TTLL5: variants seen among roughly 807,000 people sequenced by gnomAD.
The protein encoded by TTLL5 is tubulin polyglutamylase TTLL5.
TTLL5 carries 132 observed loss-of-function variants against 168.4 expected under a neutral mutation model. The observed-to-expected ratio is 0.78, with a 90% CI of 0.68 to 0.91. The LOEUF is 0.91. Ranked by LOEUF, TTLL5 falls within the 40% of genes least tolerant of loss-of-function variation. The pLI is 0.00. For synonymous variants in TTLL5, 546 were observed against 558.6 expected, an observed-to-expected ratio of 0.98 and a Z score of 0.32; for missense variants, 1,545 against 1,581.5, an observed-to-expected ratio of 0.98 and a Z score of 0.39.
intron 29 of TTLL5, among the ~76,000 whole-genome samples, chr14:75,875,314 C>A (rs1369586535): frequency 6.7e-6 from 1 of 149,364 alleles, no homozygotes; most frequent in Non-Finnish European, 1.5e-5. Flanking sequence ...GAGGCTGAGG[C>A]AGACAGATCA....
At chr14:75,727,128 G>A (rs1026198484) in intron 12 of TTLL5, among the ~76,000 whole-genome samples, 12 of 152,186 alleles carry the variant, frequency 7.9e-5, no homozygotes, top group Non-Finnish European at 1.5e-4. Flanking sequence ...GACTAAGGTG[G>A]TAAGAGGTGT....
rs1408329213 is a variant in TTLL5, at chr14:75,779,093, G to A, written c.2388-482G>A. On this transcript the variant is annotated intron_variant, in intron 23 of 31. Coordinates refer to ENST00000298832, the MANE Select transcript of TTLL5 (RefSeq NM_015072.5). ...TGGTGGTGGTGGTGGTTGTTGTCTTGTTATTGTTGTTTTGCATATTCTTTA... is the reference window on the plus strand; with the variant it reads ...TGGTGGTGGTGGTGGTTGTTGTCTTATTATTGTTGTTTTGCATATTCTTTA... Among the ~76,000 whole-genome samples the A allele has an allele frequency of 5.3e-5, 8 of 152,120 alleles. 1 individual carries two copies. The highest frequency in any genetic ancestry group is 5.2e-4 in the Admixed American group (8 of 15,270).
In TTLL5 at chr14:75,880,459, CCT is replaced by C. The variant is rs2031747553; in HGVS notation, c.3523-2223_3523-2222del. Among the ~76,000 whole-genome samples, 3 of 152,186 alleles carry C rather than the reference CCT, an allele frequency of 2.0e-5. No homozygotes were observed. In the South Asian group the frequency reaches 6.2e-4, roughly 32 times the overall value. On this transcript the variant is annotated intron_variant, in intron 29 of 31. Coordinates refer to ENST00000298832, the MANE Select transcript of TTLL5 (RefSeq NM_015072.5). ...CTTAACTAACAACATTTTATCCCCT[CCT>C]CTACTACTCACCCAGGGAATTTCTT...
chr14:75,922,240 T>C (rs1399433304), intron 31 of TTLL5, among the ~76,000 whole-genome samples: 1 of 151,934 alleles, frequency 6.6e-6, no homozygotes, highest in African/African-American at 2.4e-5. Context: ...TCTTGCCTGA[T>C]TGCCCTGGCC....
rs146356621 is a variant in TTLL5 at position 75,694,577 on chromosome 14, G to A, written c.502+4255G>A. Among the ~76,000 whole-genome samples, 636 of 152,178 alleles carry A rather than the reference G, an allele frequency of 4.2e-3. 4 individuals carry two copies. Among genetic ancestry groups the A allele is most frequent in the East Asian group, 0.011 (57 of 5,170 alleles). On this transcript the variant is annotated intron_variant, in intron 6 of 31. Transcript: ENST00000298832. ...TCGAACTCCTGACCTCAGGTGATCC[G>A]CCCACCTCGGCCTCCCAAATTGCTG...
intron 31 of TTLL5, chr14:75,906,533 G>T (rs2033154712): frequency 1.0e-6 from 1 of 985,788 alleles, no homozygotes; most frequent in Non-Finnish European, 1.2e-6. Flanking sequence ...GTTAAGTAGA[G>T]ATACTTTTTT....
chr14:75,662,268 T>C (rs896363535), intron 1 of TTLL5, among the ~76,000 whole-genome samples: 34 of 152,054 alleles, frequency 2.2e-4, no homozygotes, highest in African/African-American at 8.2e-4. Flanking sequence ...GGAAACATGA[T>C]GGCATCTTGT....
rs1004233911 is a variant in TTLL5 at position 75,906,686 on chromosome 14, A to G, written c.3823+4462A>G. 5.1e-6 allele frequency: 5 copies of G among 985,738 alleles called. No individual in the cohort carries two copies. In the African/African-American group the frequency reaches 8.7e-5, roughly 17 times the overall value. 61.1% of individuals were successfully genotyped at this position (985,738 alleles called of 1,614,324 possible). A position where few individuals can be genotyped will look rare whatever the true frequency, so the allele number is the denominator to read the frequency against. Reference sequence around the variant, plus strand: ...GTCAGGGCCAATTTAAGGTAACGGTAAGAATAAGAGCATATTTTTATCATT... The same window carrying G: ...GTCAGGGCCAATTTAAGGTAACGGTGAGAATAAGAGCATATTTTTATCATT... On this transcript the variant is annotated intron_variant, in intron 31 of 31. Coordinates refer to ENST00000298832, the MANE Select transcript of TTLL5 (RefSeq NM_015072.5).
chr14:75,811,156 A>AGT (rs148883248), intron 27 of TTLL5, among the ~76,000 whole-genome samples: 17 of 116,528 alleles, frequency 1.5e-4, no homozygotes, highest in African/African-American at 4.1e-4. Flanking sequence ...TGAAAGAAAG[A>AGT]GTGTGTGTGT....
intron 17 of TTLL5, among the ~76,000 whole-genome samples, chr14:75,749,990 A>G (rs1055655801): frequency 2.0e-5 from 3 of 152,100 alleles, no homozygotes; most frequent in African/African-American, 7.2e-5. Context: ...TCATATTTGT[A>G]TAGCTTTTTG....
intron 2 of TTLL5, among the ~76,000 whole-genome samples, chr14:75,663,596 C>T (rs940204866): frequency 6.6e-6 from 1 of 152,090 alleles, no homozygotes; most frequent in African/African-American, 2.4e-5. Context: ...ACATTAGTTA[C>T]GTTTGCTAAT....
chr14:75,780,168 ATTC>A (rs1891963406), intron 24 of TTLL5, among the ~76,000 whole-genome samples: 1 of 152,186 alleles, frequency 6.6e-6, no homozygotes, highest in Non-Finnish European at 1.5e-5. Flanking sequence ...CTCTTAATAT[ATTC>A]TTCTGTCTCT....
chr14:75,759,660 T>G (rs2359869), intron 18 of TTLL5, among the ~76,000 whole-genome samples: 115,886 of 152,014 alleles, frequency 0.76, 44,492 homozygotes, highest in Admixed American at 0.81. Flanking sequence ...TAATCTGCCA[T>G]TATAAAAAGG....
chr14:75,767,683 T>C (rs1430047430), intron 20 of TTLL5, among the ~76,000 whole-genome samples: 2 of 152,204 alleles, frequency 1.3e-5, no homozygotes, highest in Admixed American at 1.3e-4. Context: ...CTAAGCTTTA[T>C]TTTCTAGATG....
intron 26 of TTLL5, among the ~76,000 whole-genome samples, chr14:75,792,369 T>C (rs1235506984): frequency 6.6e-6 from 1 of 150,448 alleles, no homozygotes; most frequent in African/African-American, 2.4e-5. Flanking sequence ...ACTTAAAGTA[T>C]AATAATAATA....
At chr14:75,825,444 C>T (rs557803658) in intron 28 of TTLL5, among the ~76,000 whole-genome samples, 2 of 152,250 alleles carry the variant, frequency 1.3e-5, no homozygotes, top group East Asian at 1.9e-4. Flanking sequence ...CTTCTTTCTA[C>T]TCAGCAGGCC....
At chr14:75,809,437 G>A (rs141033734) in intron 27 of TTLL5, among the ~76,000 whole-genome samples, 265 of 152,232 alleles carry the variant, frequency 1.7e-3, no homozygotes, top group South Asian at 6.0e-3. Flanking sequence ...GGATTTGGGG[G>A]TTATTCATAT....
At chr14:75,892,421 A>G (rs1052399488) in intron 30 of TTLL5, among the ~76,000 whole-genome samples, 7 of 152,220 alleles carry the variant, frequency 4.6e-5, no homozygotes, top group African/African-American at 1.7e-4. Context: ...GGGAGCTGAA[A>G]GTGCCCTACA....
chr14:75,809,064 C>A (rs1294698605), intron 27 of TTLL5, among the ~76,000 whole-genome samples: 1 of 151,770 alleles, frequency 6.6e-6, no homozygotes, highest in African/African-American at 2.4e-5. Flanking sequence ...AATATGAATG[C>A]ACATTTAGAC....
Sources: allele counts gnomAD v4.1 joint callset (sites outside exome capture counted in the v4.1 genomes callset), GRCh38; gene constraint gnomAD v4.1.1; transcripts MANE v1.5; gene names NCBI Gene and HGNC (gene_info 2026-07-23, HGNC 2026-07-21).